Variants in KIRREL3 observed in about 807,000 individuals in gnomAD.
The protein encoded by KIRREL3 is kirre like nephrin family adhesion molecule 3.
Under a neutral mutation model 89.7 loss-of-function variants are expected in KIRREL3, and 36 were observed. The observed-to-expected ratio is 0.40, with a 90% CI of 0.31 to 0.53. KIRREL3 has a LOEUF of 0.53. KIRREL3 is among the 20% of genes least tolerant of loss of function. The pLI is 0.49. For missense variants in KIRREL3, 864 were observed against 1,056.6 expected (o/e 0.82, Z 2.53); for synonymous variants, 445 against 441.4 (o/e 1.01, Z -0.10).
At position 126,766,176 on chromosome 11, in the gene KIRREL3, A is replaced by G. The variant is rs961194707; in HGVS notation, c.56-203264T>C. Among the ~76,000 whole-genome samples the G allele has an allele frequency of 2.6e-5, 4 of 151,730 alleles. No individual in the cohort carries two copies. Among genetic ancestry groups the G allele is most frequent in the African/African-American group, 7.3e-5 (3 of 41,310 alleles). On this transcript the variant is annotated intron_variant, in intron 1 of 16. Transcript: ENST00000525144. This position sits in a 1 kb window ranked among gnomAD's most constrained non-coding sequence, Gnocchi z 4.2. ...CTCTTAGGATGCCCACACTAACTGG[A>G]GTCTCTACCTCTCTCCTCCTCCCCT...
In KIRREL3 at chr11:126,551,560, C is replaced by T. The variant is rs2134535964; in HGVS notation, c.133+11275G>A. On this transcript the variant is annotated intron_variant, in intron 2 of 16. Coordinates refer to ENST00000525144, the MANE Select transcript of KIRREL3 (RefSeq NM_032531.4). The surrounding 1 kb of genome is among the most constrained non-coding windows in gnomAD (Gnocchi z 4.9). ...CTGACTTTCAACCACTGATCCCTTA[C>T]AGCAAAAGAATATATATGATCATTT... is the stretch of plus-strand genomic sequence containing the variant. Among the ~76,000 whole-genome samples, 1 of 152,182 alleles carries T rather than the reference C, an allele frequency of 6.6e-6. No individual in the cohort carries two copies. Among genetic ancestry groups the T allele is most frequent in the African/African-American group, 2.4e-5 (1 of 41,516 alleles).
chr11:126,967,305 C>T (rs946534345), intron 1 of KIRREL3, among the ~76,000 whole-genome samples: 1 of 152,154 alleles, frequency 6.6e-6, no homozygotes, highest in African/African-American at 2.4e-5. Context: ...CCAAAGAGCA[C>T]TGCAAGTTCT....
At chr11:126,756,339 G>A (rs1949499358) in intron 1 of KIRREL3, among the ~76,000 whole-genome samples, 1 of 152,220 alleles carries the variant, frequency 6.6e-6, no homozygotes, top group Admixed American at 6.5e-5. Flanking sequence ...ATGGTAAATA[G>A]AATAATAATG....
intron 1 of KIRREL3, among the ~76,000 whole-genome samples, chr11:126,600,772 C>T (rs879541759): frequency 2.0e-5 from 3 of 152,198 alleles, no homozygotes; most frequent in Non-Finnish European, 4.4e-5. Flanking sequence ...CAAGGAAGGG[C>T]TCCTTATACA....
Position 126,991,176 on chromosome 11 carries a change from G to A in KIRREL3, c.55+9279C>T, listed in dbSNP as rs999833574. Among the ~76,000 whole-genome samples the A allele has an allele frequency of 2.0e-5, 3 of 152,108 alleles. No individual in the cohort carries two copies. Among genetic ancestry groups the A allele is most frequent in the Admixed American group, 6.5e-5 (1 of 15,270 alleles). Reference sequence around the variant, plus strand: ...TGGCGTTGTCTCTGGTGACCCAAAGGGCATTCAAAGCCTTCCAGAAAGGAA... The same window carrying A: ...TGGCGTTGTCTCTGGTGACCCAAAGAGCATTCAAAGCCTTCCAGAAAGGAA... On this transcript the variant is annotated intron_variant, in intron 1 of 16. Coordinates refer to ENST00000525144, the MANE Select transcript of KIRREL3 (RefSeq NM_032531.4). The surrounding 1 kb of genome is among the most constrained non-coding windows in gnomAD (Gnocchi z 5.8).
chr11:126,901,213 C>CA (rs58769659), intron 1 of KIRREL3, among the ~76,000 whole-genome samples: 41,837 of 85,760 alleles, frequency 0.49, 8,455 homozygotes, highest in African/African-American at 0.58. Flanking sequence ...GATTCCGTCT[C>CA]AAAAAAAAAA....
rs143428375 is a variant in KIRREL3 at position 126,808,812 on chromosome 11, C to A, written c.55+191643G>T. On this transcript the variant is annotated intron_variant, in intron 1 of 16. Coordinates refer to ENST00000525144, the MANE Select transcript of KIRREL3 (RefSeq NM_032531.4). The surrounding 1 kb of genome is among the most constrained non-coding windows in gnomAD (Gnocchi z 4.1). ...CAGTGCTTCTAGAAAAGATAAGGGG[C>A]TCTTGTAAAAAGTTCTACAATTTGT... is the stretch of plus-strand genomic sequence containing the variant. Among the ~76,000 whole-genome samples, 259 of 152,200 alleles carry A rather than the reference C, an allele frequency of 1.7e-3. No homozygotes were observed. The highest frequency in any genetic ancestry group is 3.0e-3 in the Non-Finnish European group (205 of 68,022).
rs1681644833 is a variant in KIRREL3, at chr11:126,782,928, AC to A, written c.55+217526del. 6.6e-6 allele frequency among the ~76,000 whole-genome samples: 1 copy of A among 152,204 alleles called. No individual in the cohort carries two copies. Among genetic ancestry groups the A allele is most frequent in the African/African-American group, 2.4e-5 (1 of 41,440 alleles). On this transcript the variant is annotated intron_variant, in intron 1 of 16. Transcript: ENST00000525144. This position sits in a 1 kb window ranked among gnomAD's most constrained non-coding sequence, Gnocchi z 4.1. ...CTGATACCACTCTGTAATAAAAGGA[AC>A]CAGGGCTCCTTGAAGAAATGGCCAA...
At position 126,744,435 on chromosome 11, in the gene KIRREL3, A is replaced by C. The variant is rs1949078012; in HGVS notation, c.56-181523T>G. 6.6e-6 allele frequency among the ~76,000 whole-genome samples: 1 copy of C among 152,216 alleles called. No homozygotes were observed. Among genetic ancestry groups the C allele is most frequent in the Non-Finnish European group, 1.5e-5 (1 of 68,032 alleles). ...CCAGACATGCAGAACAGGCTGCTGGACTAGACGGGGACAAGGAAATGGAGA... is the reference window on the plus strand; with the variant it reads ...CCAGACATGCAGAACAGGCTGCTGGCCTAGACGGGGACAAGGAAATGGAGA... On this transcript the variant is annotated intron_variant, in intron 1 of 16. Coordinates refer to ENST00000525144, the MANE Select transcript of KIRREL3 (RefSeq NM_032531.4). This position sits in a 1 kb window ranked among gnomAD's most constrained non-coding sequence, Gnocchi z 4.7.
chr11:126,929,821 A>G (rs1947864429), intron 1 of KIRREL3, among the ~76,000 whole-genome samples: 1 of 152,226 alleles, frequency 6.6e-6, no homozygotes, highest in South Asian at 2.1e-4. Flanking sequence ...AACTCAGCCC[A>G]GAAAAATGCT....
In KIRREL3 at chr11:126,808,706, C is replaced by T. The variant is rs373733488; in HGVS notation, c.55+191749G>A. 1.3e-5 allele frequency among the ~76,000 whole-genome samples: 2 copies of T among 152,004 alleles called. No homozygotes were observed. Among genetic ancestry groups the T allele is most frequent in the East Asian group, 1.9e-4 (1 of 5,188 alleles). ...TGGGGTCTGAGTTTTGTCATGCAAA[C>T]GAAGAAAAACAACTTGCTTTCCAAT... On this transcript the variant is annotated intron_variant, in intron 1 of 16. Transcript: ENST00000525144. This position sits in a 1 kb window ranked among gnomAD's most constrained non-coding sequence, Gnocchi z 4.1.
chr11:126,599,928 A>T (rs1292352426), intron 1 of KIRREL3, among the ~76,000 whole-genome samples: 1 of 152,104 alleles, frequency 6.6e-6, no homozygotes, highest in East Asian at 1.9e-4. Context: ...TGGTTTTCAG[A>T]CCCCTGTGTG....
In KIRREL3 at chr11:126,476,470, C is replaced by G. The variant is rs762112809; in HGVS notation, c.434-3004G>C. On this transcript the variant is annotated intron_variant, in intron 4 of 16. Coordinates refer to ENST00000525144, the MANE Select transcript of KIRREL3 (RefSeq NM_032531.4). The surrounding 1 kb of genome is among the most constrained non-coding windows in gnomAD (Gnocchi z 6.4). ...TACTGGAATATCGGATTAGAGGCAG[C>G]GAGGACGAGGGAGGAGGGAGTGGGG... Among the ~76,000 whole-genome samples, 27 of 152,248 alleles carry G rather than the reference C, an allele frequency of 1.8e-4. No individual in the cohort carries two copies. The highest frequency in any genetic ancestry group is 4.8e-4 in the African/African-American group (20 of 41,538).
intron 1 of KIRREL3, among the ~76,000 whole-genome samples, chr11:126,577,686 C>G (rs1044749726): frequency 2.0e-5 from 3 of 151,686 alleles, no homozygotes; most frequent in Non-Finnish European, 4.4e-5. Context: ...GGCTTGAACC[C>G]GGGAAGCGGA....
Position 126,427,961 on chromosome 11 carries a change from T to C in KIRREL3, c.1806+1218A>G, listed in dbSNP as rs564632705. Among the ~76,000 whole-genome samples, 1 of 152,160 alleles carries C rather than the reference T, an allele frequency of 6.6e-6. No homozygotes were observed. The highest frequency in any genetic ancestry group is 2.4e-5 in the African/African-American group (1 of 41,492). ...GGAATTGACAGGACCTGAAAATCAA[T>C]TGGAGAGAGAAAGCGTAGCCGAGGG... On this transcript the variant is annotated intron_variant, in intron 15 of 16. Transcript: ENST00000525144. The surrounding 1 kb of genome is among the most constrained non-coding windows in gnomAD (Gnocchi z 5.3).
chr11:126,672,950 T>A (rs1192224916), intron 1 of KIRREL3, among the ~76,000 whole-genome samples: 1 of 152,230 alleles, frequency 6.6e-6, no homozygotes, highest in Non-Finnish European at 1.5e-5. Flanking sequence ...TAATCTGCCC[T>A]TCATCAAATT....
intron 1 of KIRREL3, among the ~76,000 whole-genome samples, chr11:126,951,421 G>A (rs1035465459): frequency 3.9e-5 from 6 of 152,168 alleles, no homozygotes; most frequent in Non-Finnish European, 8.8e-5. Context: ...GCAGCATCTG[G>A]CTCACTGAAG....
At chr11:126,634,639 A>T (rs1266910805) in intron 1 of KIRREL3, among the ~76,000 whole-genome samples, 1 of 152,154 alleles carries the variant, frequency 6.6e-6, no homozygotes, top group African/African-American at 2.4e-5. Context: ...CTCAAAAAAG[A>T]CTTAAAGGGA....
intron 1 of KIRREL3, among the ~76,000 whole-genome samples, chr11:126,952,597 T>TGGCTTTTG (rs1948804363): frequency 6.6e-6 from 1 of 152,258 alleles, no homozygotes; most frequent in Admixed American, 6.5e-5. Flanking sequence ...TTGTCAGTTT[T>TGGCTTTTG]GGCTTTTGTT....
Sources: gnomAD v4.1 joint callset for allele counts (sites outside exome capture counted in the v4.1 genomes callset) on GRCh38, gnomAD v4.1.1 for gene constraint, Gnocchi (gnomAD v3.1) non-coding constraint, MANE v1.5 for transcripts, NCBI Gene and HGNC (gene_info 2026-07-23, HGNC 2026-07-21) for gene names.